Variants in KATNBL1 observed in about 807,000 individuals in gnomAD.
KATNBL1 encodes the protein KATNB1-like protein 1.
KATNBL1 carries 28 observed loss-of-function variants against 44.7 expected under a neutral mutation model. That is an observed-to-expected ratio of 0.63 (90% CI 0.46 to 0.86). KATNBL1 has a LOEUF of 0.86. Among genes scored for constraint, KATNBL1 ranks in the 40% least tolerant of loss-of-function variants. The pLI is 0.00. For synonymous variants in KATNBL1, 78 were observed against 114.9 expected, an observed-to-expected ratio of 0.68 and a Z score of 2.06; for missense variants, 272 against 350.7, an observed-to-expected ratio of 0.78 and a Z score of 1.79.
intron 1 of KATNBL1, among the ~76,000 whole-genome samples, chr15:34,182,959 A>C (rs1889610441): frequency 6.6e-6 from 1 of 151,962 alleles, no homozygotes; most frequent in East Asian, 1.9e-4. Context: ...ATACCTCAAT[A>C]ATCTGACTTA....
chr15:34,185,158 C>A (rs1207348500), intron 1 of KATNBL1, among the ~76,000 whole-genome samples: 1 of 151,932 alleles, frequency 6.6e-6, no homozygotes, highest in Non-Finnish European at 1.5e-5. Context: ...TTTGTAGAGA[C>A]GGGGTTTCAC....
chr15:34,172,020 A>G (rs1597444296), intron 1 of KATNBL1, among the ~76,000 whole-genome samples: 1 of 152,080 alleles, frequency 6.6e-6, no homozygotes, highest in Admixed American at 6.6e-5. Flanking sequence ...AACATGGCAC[A>G]TGTATACCTA....
chr15:34,181,069 A>G (rs1278978150), intron 1 of KATNBL1, among the ~76,000 whole-genome samples: 1 of 152,232 alleles, frequency 6.6e-6, no homozygotes, highest in Non-Finnish European at 1.5e-5. Context: ...TGGTCCTTGC[A>G]AATCATCCTA....
intron 9 of KATNBL1, chr15:34,142,577 AGTGCTAAATGAATGTGTTG>A (rs1888180761): frequency 1.3e-5 from 6 of 474,016 alleles, no homozygotes; most frequent in South Asian, 1.1e-4. Flanking sequence ...ATATTTGCTA[AGTGCTAAATGAATGTGTTG>A]GTTCCTATGC....
chr15:34,198,836 T>A (rs569965681), intron 1 of KATNBL1, among the ~76,000 whole-genome samples: 1 of 152,238 alleles, frequency 6.6e-6, no homozygotes, highest in East Asian at 1.9e-4. Flanking sequence ...AAATGGAATG[T>A]TAAACTGTAC....
chr15:34,193,491 G>A (rs1395825209), intron 1 of KATNBL1, among the ~76,000 whole-genome samples: 1 of 151,980 alleles, frequency 6.6e-6, no homozygotes, highest in African/African-American at 2.4e-5. Flanking sequence ...CAGAGATGGC[G>A]CCACTGCACT....
chr15:34,174,837 T>A (rs1351688294), intron 1 of KATNBL1, among the ~76,000 whole-genome samples: 1 of 152,076 alleles, frequency 6.6e-6, no homozygotes, highest in African/African-American at 2.4e-5. Flanking sequence ...AGATGGGGTT[T>A]CGCCACGTTA....
At chr15:34,202,120 A>G (rs1422549915) in intron 1 of KATNBL1, among the ~76,000 whole-genome samples, 8 of 152,224 alleles carry the variant, frequency 5.3e-5, no homozygotes, top group African/African-American at 1.4e-4. Flanking sequence ...ACATACATAA[A>G]ACATTGTCAC....
chr15:34,177,083 A>C (rs1889355354), intron 1 of KATNBL1, among the ~76,000 whole-genome samples: 2 of 152,204 alleles, frequency 1.3e-5, no homozygotes, highest in South Asian at 4.1e-4. Context: ...AAAAGAAATA[A>C]GGTCTTAAGA....
chr15:34,163,800 G>A (rs1225002556), intron 1 of KATNBL1, 110 bp from the exon 2 acceptor site: 1 of 552,508 alleles, frequency 1.8e-6, no homozygotes, highest in African/African-American at 2.0e-5. Context: ...AAAGGCAGAG[G>A]ACATCATTTT....
chr15:34,145,378 T>C lies in KATNBL1; in HGVS notation c.882+20A>G, dbSNP rs200622850. 63 of 1,394,018 alleles carry C rather than the reference T, an allele frequency of 4.5e-5. No individual in the cohort carries two copies. Among genetic ancestry groups the C allele is most frequent in the Non-Finnish European group, 5.6e-5 (60 of 1,065,400 alleles). 86.4% of individuals were successfully genotyped at this position (1,394,018 alleles called of 1,614,324 possible). On this transcript the variant is annotated intron_variant, in intron 9 of 9. Transcript: ENST00000256544. Reference sequence around the variant, plus strand: ...TTTCTAATTTTTAATGTTTAATTTATAAGCTTAAATATAGATTACCTTAGC... The same window carrying C: ...TTTCTAATTTTTAATGTTTAATTTACAAGCTTAAATATAGATTACCTTAGC...
At chr15:34,151,652 A>T (rs1336388896) in intron 4 of KATNBL1, among the ~76,000 whole-genome samples, 2 of 151,704 alleles carry the variant, frequency 1.3e-5, no homozygotes, top group African/African-American at 4.8e-5. Flanking sequence ...GGGTTTTGCC[A>T]TGTTGGCCAG....
rs192957728 is a variant in KATNBL1, at chr15:34,202,338, A to G, written c.-15+7613T>C. Among the ~76,000 whole-genome samples the G allele has an allele frequency of 5.9e-5, 9 of 152,360 alleles. No homozygotes were observed. The East Asian group carries it at 1.7e-3, about 29-fold the overall frequency. ...TACGACACTTGTGCCTAATTTCTAC[A>G]GTACCAGAAGTCAACAGGGTTAAGT... On this transcript the variant is annotated intron_variant, in intron 1 of 9. Coordinates refer to ENST00000256544, the MANE Select transcript of KATNBL1 (RefSeq NM_024713.3).
At chr15:34,142,460 CCTT>C in intron 9 of KATNBL1, 89 bp from the exon 10 acceptor site, 1 of 1,392,544 alleles carries the variant, frequency 7.2e-7, no homozygotes, top group South Asian at 1.5e-5. Flanking sequence ...GCTTAATTTG[CCTT>C]AGTTTCCTTT....
chr15:34,160,511 T>C (rs910225129), intron 2 of KATNBL1, among the ~76,000 whole-genome samples: 10 of 152,220 alleles, frequency 6.6e-5, no homozygotes, highest in African/African-American at 2.4e-4. Flanking sequence ...TTTTCTCATT[T>C]GCTCTTTGAG....
chr15:34,143,793 C>CAAAA (rs560420668), intron 9 of KATNBL1, among the ~76,000 whole-genome samples: 1 of 64,178 alleles, frequency 1.6e-5, no homozygotes, highest in Non-Finnish European at 2.9e-5. Flanking sequence ...ACTAAAAATA[C>CAAAA]AAAAAAAAAA....
At chr15:34,197,659 C>T (rs1890061029) in intron 1 of KATNBL1, among the ~76,000 whole-genome samples, 2 of 152,106 alleles carry the variant, frequency 1.3e-5, no homozygotes, top group African/African-American at 2.4e-5. Context: ...GTTTATTTTT[C>T]TATGAGATTA....
At chr15:34,177,482 TAA>T (rs1386312908) in intron 1 of KATNBL1, among the ~76,000 whole-genome samples, 1 of 151,656 alleles carries the variant, frequency 6.6e-6, no homozygotes, top group Non-Finnish European at 1.5e-5. Context: ...CACTCTCTAC[TAA>T]AAATATAAAA....
intron 1 of KATNBL1, among the ~76,000 whole-genome samples, chr15:34,183,848 T>G (rs1035162060): frequency 1.3e-5 from 2 of 152,214 alleles, no homozygotes; most frequent in Non-Finnish European, 2.9e-5. Context: ...TTAAATCTTT[T>G]ACAAGAAGCA....
Sources: allele counts gnomAD v4.1 joint callset (sites outside exome capture counted in the v4.1 genomes callset), GRCh38; gene constraint gnomAD v4.1.1; transcripts MANE v1.5; gene names NCBI Gene and HGNC (gene_info 2026-07-23, HGNC 2026-07-21).